The following LONP1 variants were observed in gnomAD, a reference collection of about 807,000 sequenced individuals.
LONP1 encodes the protein lon protease homolog, mitochondrial.
Under a neutral mutation model 98.5 loss-of-function variants are expected in LONP1, and 31 were observed. The ratio of observed to expected loss-of-function variants is 0.31; its 90% CI spans 0.24 to 0.42. The LOEUF (loss-of-function observed/expected upper bound fraction) is 0.42, where lower values mean the gene tolerates loss of function less well. Ranked by LOEUF, LONP1 falls within the 20% of genes least tolerant of loss-of-function variation. LONP1 has a pLI of 1.00. For synonymous variants in LONP1, 781 were observed against 594.7 expected (o/e 1.31, Z -4.56); for missense variants, 1,336 against 1,350.6 (o/e 0.99, Z 0.17).
rs752318637 is a variant in LONP1, at chr19:5,694,489, C to T, written c.2218G>A (p.Glu740Lys). ...GEAESVEVTP[E>K]NLQDFVGKPV... The stretch of plus-strand genomic sequence containing the variant: ...TTCCCCACGAAGTCCTGCAGGTTCT[C>T]GGGCGTCACCTCCACGGACTCGGCC... The change falls in exon 15 of 18, where the codon GAG becomes AAG. Residue 740 changes from glutamate (E) to lysine (K), a missense_variant. This residue lies in a region of LONP1 where 555 missense variants were observed against 542.6 expected (regional missense o/e 1.02). Coordinates refer to ENST00000360614, the MANE Select transcript of LONP1 (RefSeq NM_004793.4). 8.1e-6 allele frequency: 13 copies of T among 1,613,228 alleles called. No homozygotes were observed. The Admixed American group carries it at 1.0e-4, about 12-fold the overall frequency.
chr19:5,717,611 A>T (rs2055343139), intron 1 of LONP1: 1 of 152,302 alleles, frequency 6.6e-6, no homozygotes, highest in African/African-American at 2.4e-5. Context: ...TCCTGGGCCC[A>T]GAAACCTGGG....
intron 1 of LONP1, chr19:5,717,637 G>T (rs2055343418): frequency 6.6e-6 from 1 of 152,392 alleles, no homozygotes; most frequent in African/African-American, 2.4e-5. Flanking sequence ...AAAGAGAACT[G>T]CCAGGGGTGA....
In LONP1 at chr19:5,692,216, C is replaced by T. The variant is rs1218470631; in HGVS notation, c.2704-8G>A. Reference sequence around the variant, plus strand: ...CACCCCTGCGCGCTTGGCCTGGGGGCAGAGTCAGGGTCAGCCCTGCCTGGG... The same window carrying T: ...CACCCCTGCGCGCTTGGCCTGGGGGTAGAGTCAGGGTCAGCCCTGCCTGGG... On this transcript the variant is annotated splice_polypyrimidine_tract_variant and splice_region_variant and intron_variant, in intron 17 of 17. Coordinates refer to ENST00000360614, the MANE Select transcript of LONP1 (RefSeq NM_004793.4). 1.6e-5 allele frequency: 25 copies of T among 1,607,468 alleles called. No individual in the cohort carries two copies. The highest frequency in any genetic ancestry group is 2.1e-5 in the Non-Finnish European group (25 of 1,175,926).
chr19:5,701,942 G>A (rs868368500), intron 8 of LONP1, among the ~76,000 whole-genome samples: 129 of 143,864 alleles, frequency 9.0e-4, no homozygotes, highest in African/African-American at 3.1e-3. Flanking sequence ...GCCCGGCCGC[G>A]ACCCCGTCTG....
chr19:5,699,675 A>C (rs766187296), intron 9 of LONP1, among the ~76,000 whole-genome samples: 1 of 149,916 alleles, frequency 6.7e-6, no homozygotes, highest in Non-Finnish European at 1.5e-5. Flanking sequence ...CTCCTGCCTC[A>C]GCCTCCTGAG....
chr19:5,699,992 T>G (rs1272358978), intron 9 of LONP1, among the ~76,000 whole-genome samples: 1 of 152,034 alleles, frequency 6.6e-6, no homozygotes, highest in Admixed American at 6.6e-5. Flanking sequence ...CAGGCTGGAG[T>G]GTAGTGGTGC....
At chr19:5,700,523 C>T (rs1461818934) in intron 9 of LONP1, among the ~76,000 whole-genome samples, 1 of 152,188 alleles carries the variant, frequency 6.6e-6, no homozygotes, top group African/African-American at 2.4e-5. Flanking sequence ...CTCAAGTGAT[C>T]CTCCCGCCTC....
chr19:5,698,672 G>A (rs1447236410), intron 10 of LONP1, among the ~76,000 whole-genome samples: 1 of 152,188 alleles, frequency 6.6e-6, no homozygotes, highest in Non-Finnish European at 1.5e-5. Context: ...TGGGGCATCA[G>A]CCACAGCCCA....
chr19:5,719,136 C>T (rs933774225), intron 1 of LONP1, among the ~76,000 whole-genome samples: 4 of 152,170 alleles, frequency 2.6e-5, no homozygotes, highest in African/African-American at 9.7e-5. Flanking sequence ...TTCCAACAAT[C>T]CTTCCACCTC....
At chr19:5,719,611 T>C (rs1020438984) in intron 1 of LONP1, 93 bp downstream of exon 1, 32 of 1,590,732 alleles carry the variant, frequency 2.0e-5, no homozygotes, top group African/African-American at 2.7e-5. Context: ...TCTGAAAAAG[T>C]TGCGAAACAC....
intron 13 of LONP1, 87 bp from the exon 14 acceptor site, chr19:5,694,988 GCC>G: frequency 6.9e-7 from 1 of 1,456,286 alleles, no homozygotes. Flanking sequence ...CTCTCCCATG[GCC>G]CCCAGACCCT....
In LONP1 at chr19:5,693,797, G is replaced by C. The variant is rs766517946; in HGVS notation, c.2321-28C>G. The C allele has an allele frequency of 2.5e-6, 4 of 1,591,620 alleles. No individual in the cohort carries two copies. The African/African-American group carries it at 5.4e-5, about 21-fold the overall frequency. On this transcript the variant is annotated intron_variant, in intron 15 of 17. Coordinates refer to ENST00000360614, the MANE Select transcript of LONP1 (RefSeq NM_004793.4). ...GAAACAGGTGTGGAGCTGTGAACACGGGAGGCCTCGGAGCCCAGGCCGGTG... is the reference window on the plus strand; with the variant it reads ...GAAACAGGTGTGGAGCTGTGAACACCGGAGGCCTCGGAGCCCAGGCCGGTG...
At position 5,702,779 on chromosome 19, in the gene LONP1, C is replaced by T. The variant is rs1356552468; in HGVS notation, c.1368-1852G>A. Among the ~76,000 whole-genome samples the T allele has an allele frequency of 1.2e-3, 179 of 151,210 alleles. 1 individual carries two copies. The highest frequency in any genetic ancestry group is 3.2e-3 in the African/African-American group (131 of 41,176). ...CACTCAGGGTTAAATGGATTAAGGG[C>T]GGTGCAAGATGTGCTTTGTTAAACA... On this transcript the variant is annotated intron_variant, in intron 8 of 17. Coordinates refer to ENST00000360614, the MANE Select transcript of LONP1 (RefSeq NM_004793.4).
At chr19:5,696,540 G>A (rs575125397) in intron 11 of LONP1, 130 bp downstream of exon 11, 23 of 1,273,522 alleles carry the variant, frequency 1.8e-5, no homozygotes, top group South Asian at 5.6e-5. Flanking sequence ...GGACCCGTCC[G>A]TGCCATCAGG....
At chr19:5,696,449 G>T (rs2054930541) in intron 11 of LONP1, 78 bp from the exon 12 acceptor site, 2 of 1,549,922 alleles carry the variant, frequency 1.3e-6, no homozygotes, top group Non-Finnish European at 8.8e-7. Flanking sequence ...CCAGGGTCAG[G>T]GCTGGGGAGA....
intron 10 of LONP1, among the ~76,000 whole-genome samples, chr19:5,698,720 A>G (rs867409300): frequency 2.6e-5 from 4 of 152,216 alleles, no homozygotes; most frequent in Admixed American, 6.5e-5. Flanking sequence ...CCGGCCCTGC[A>G]GCTCTGGCCC....
At chr19:5,717,894 T>TC (rs200414861) in intron 1 of LONP1, among the ~76,000 whole-genome samples, 100 of 146,666 alleles carry the variant, frequency 6.8e-4, no homozygotes, top group African/African-American at 1.1e-3. Flanking sequence ...TTTCTTTCTT[T>TC]TTTTTTTTTT....
chr19:5,719,682 C>G (rs907675891), intron 1 of LONP1, 22 bp downstream of exon 1: 11 of 1,613,590 alleles, frequency 6.8e-6, no homozygotes, highest in Non-Finnish European at 9.3e-6. Flanking sequence ...AAACCTGAGG[C>G]CGAGGCGGGG....
At chr19:5,703,867 G>A (rs2055100761) in intron 8 of LONP1, among the ~76,000 whole-genome samples, 1 of 152,170 alleles carries the variant, frequency 6.6e-6, no homozygotes, top group Middle Eastern at 3.2e-3. Flanking sequence ...CAGCTCCTGG[G>A]GGAAGGAGCT....
Sources: allele counts gnomAD v4.1 joint callset (sites outside exome capture counted in the v4.1 genomes callset), GRCh38; gene constraint gnomAD v4.1.1; regional missense constraint gnomAD v4.1.1; transcripts MANE v1.5; gene names NCBI Gene and HGNC (gene_info 2026-07-23, HGNC 2026-07-21).